The following PRPF6 variants were observed in gnomAD, a reference collection of about 807,000 sequenced individuals.
PRPF6 encodes pre-mRNA processing factor 6.
Under a neutral mutation model 118.3 loss-of-function variants are expected in PRPF6, and 42 were observed. The ratio of observed to expected loss-of-function variants is 0.35; its 90% CI spans 0.28 to 0.46. PRPF6 has a LOEUF of 0.46. Among genes scored for constraint, PRPF6 ranks in the 20% least tolerant of loss-of-function variants. PRPF6 has a pLI of 1.00. For synonymous variants in PRPF6, 481 were observed against 485.1 expected, an observed-to-expected ratio of 0.99 and a Z score of 0.11; for missense variants, 662 against 1,255.7, an observed-to-expected ratio of 0.53 and a Z score of 7.15.
At chr20:63,982,208 T>C (rs984003149) in intron 1 of PRPF6, among the ~76,000 whole-genome samples, 2 of 152,206 alleles carry the variant, frequency 1.3e-5, no homozygotes, top group African/African-American at 4.8e-5. Context: ...AGTCTTGTTC[T>C]GTCGCCCAAG....
Position 64,030,807 on chromosome 20 carries a change from A to G in PRPF6, c.2547-1111A>G, listed in dbSNP as rs546345605. 2.9e-4 allele frequency among the ~76,000 whole-genome samples: 44 copies of G among 152,364 alleles called. No homozygotes were observed. In the South Asian group the frequency reaches 9.1e-3, roughly 32 times the overall value. On this transcript the variant is annotated intron_variant, in intron 19 of 20. Transcript: ENST00000266079. Reference sequence around the variant, plus strand: ...AAGAATACCACAAGGCTTAAAAAACAATCAGGTTATCAGAGTGTGAAATTA... The same window carrying G: ...AAGAATACCACAAGGCTTAAAAAACGATCAGGTTATCAGAGTGTGAAATTA...
chr20:64,020,915 T>C (rs2059259774), intron 12 of PRPF6, among the ~76,000 whole-genome samples: 1 of 152,106 alleles, frequency 6.6e-6, no homozygotes, highest in Non-Finnish European at 1.5e-5. Context: ...GCCTCCCAAG[T>C]AGCTGGGATT....
At chr20:64,009,844 C>T (rs999835408) in intron 9 of PRPF6, among the ~76,000 whole-genome samples, 1 of 152,196 alleles carries the variant, frequency 6.6e-6, no homozygotes, top group Non-Finnish European at 1.5e-5. Flanking sequence ...TTAGTTTTGC[C>T]TCTTTTCAGA....
At chr20:64,005,128 G>A (rs547608810) in intron 9 of PRPF6, among the ~76,000 whole-genome samples, 13 of 152,264 alleles carry the variant, frequency 8.5e-5, no homozygotes, top group African/African-American at 3.1e-4. Context: ...CACACTCCTT[G>A]AAGGCCATTG....
intron 14 of PRPF6, among the ~76,000 whole-genome samples, chr20:64,025,524 A>AG (rs2059285510): frequency 6.6e-6 from 1 of 152,228 alleles, no homozygotes; most frequent in Non-Finnish European, 1.5e-5. Context: ...TGGGCTCATG[A>AG]GGACAGGACA....
At chr20:64,022,145 C>T (rs952494795) in intron 12 of PRPF6, among the ~76,000 whole-genome samples, 1 of 152,264 alleles carries the variant, frequency 6.6e-6, no homozygotes, top group Non-Finnish European at 1.5e-5. Flanking sequence ...CCATGTGCCC[C>T]TTTTTCAGTG....
chr20:63,984,389 C>G (rs1195860858), intron 2 of PRPF6, among the ~76,000 whole-genome samples: 2 of 151,728 alleles, frequency 1.3e-5, no homozygotes, highest in Non-Finnish European at 2.9e-5. Flanking sequence ...CCACTGCACT[C>G]CAGCCTTGGC....
intron 12 of PRPF6, among the ~76,000 whole-genome samples, chr20:64,019,206 A>G (rs1056265029): frequency 1.3e-5 from 2 of 150,100 alleles, no homozygotes; most frequent in Non-Finnish European, 2.9e-5. Flanking sequence ...TCAAGGGTTC[A>G]AGCAATTCTC....
intron 3 of PRPF6, among the ~76,000 whole-genome samples, chr20:63,992,716 A>C (rs1359510820): frequency 6.6e-6 from 1 of 151,932 alleles, no homozygotes; most frequent in Non-Finnish European, 1.5e-5. Flanking sequence ...TAATTGAATT[A>C]GTAGACTTAC....
intron 2 of PRPF6, among the ~76,000 whole-genome samples, chr20:63,984,482 T>C (rs2059084898): frequency 6.6e-6 from 1 of 152,084 alleles, no homozygotes; most frequent in Non-Finnish European, 1.5e-5. Context: ...GCAAAAATAG[T>C]GCCCCCCCAA....
intron 3 of PRPF6, among the ~76,000 whole-genome samples, chr20:63,986,441 C>T (rs2059093669): frequency 6.6e-6 from 1 of 150,546 alleles, no homozygotes. Flanking sequence ...GCAAATTAAT[C>T]AGTGTTATAC....
At position 64,032,872 on chromosome 20, in the gene PRPF6, AGAGT is replaced by A; in HGVS notation, c.2707_2710del (p.Ser903GlnfsTer40). The stretch of plus-strand genomic sequence containing the variant: ...CAGGAGGAGGTGAGGAAGCGCTGTG[AGAGT>A]GCAGAGCCTCGGCATGGGGAGCTGT... On this transcript the variant is annotated frameshift_variant, in exon 21 of 21. Coordinates refer to ENST00000266079, the MANE Select transcript of PRPF6 (RefSeq NM_012469.4). LOFTEE classifies it high-confidence loss of function. 1 of 1,612,576 alleles carries A rather than the reference AGAGT, an allele frequency of 6.2e-7. No homozygotes were observed. Among genetic ancestry groups the A allele is most frequent in the Non-Finnish European group, 8.5e-7 (1 of 1,179,772 alleles).
Position 64,028,468 on chromosome 20 carries a change from G to C in PRPF6, c.2340-10G>C, listed in dbSNP as rs747879645. The C allele has an allele frequency of 1.2e-6, 2 of 1,613,888 alleles. No individual in the cohort carries two copies. The highest frequency in any genetic ancestry group is 1.7e-6 in the Non-Finnish European group (2 of 1,179,996). On this transcript the variant is annotated splice_polypyrimidine_tract_variant and intron_variant, in intron 17 of 20. Transcript: ENST00000266079. The surrounding 1 kb of genome is among the most constrained non-coding windows in gnomAD (Gnocchi z 6.5). Reference sequence around the variant, plus strand: ...ACGGCTGTGGGACCTCCGGGGGCCTGTCTCCTCAGGTTGGAGTCCGTGCGG... The same window carrying C: ...ACGGCTGTGGGACCTCCGGGGGCCTCTCTCCTCAGGTTGGAGTCCGTGCGG...
At position 64,017,132 on chromosome 20, in the gene PRPF6, C is replaced by T. The variant is rs181335963; in HGVS notation, c.1647+287C>T. 6.0e-3 allele frequency among the ~76,000 whole-genome samples: 917 copies of T among 152,256 alleles called. 7 individuals carry two copies. Among genetic ancestry groups the T allele is most frequent in the Non-Finnish European group, 9.2e-3 (629 of 68,004 alleles). On this transcript the variant is annotated intron_variant, in intron 12 of 20. Transcript: ENST00000266079. ...TAATTTTTTGTATTTTTAGTAGAGA[C>T]GGGGTTTCACCGTGTTAGCCAGGAT...
chr20:64,005,710 G>C (rs894012749), intron 9 of PRPF6, among the ~76,000 whole-genome samples: 3 of 151,902 alleles, frequency 2.0e-5, no homozygotes, highest in African/African-American at 7.3e-5. Context: ...TGAGTAGCTG[G>C]GACCATAGGT....
Position 64,026,842 on chromosome 20 carries a change from C to A in PRPF6, c.2029-140C>A. ...AACAAAAACATATATTTATCCCCAC[C>A]TTTTGTGTACACAAACAGGCTATGA... On this transcript the variant is annotated intron_variant, in intron 15 of 20. Transcript: ENST00000266079. This position sits in a 1 kb window ranked among gnomAD's most constrained non-coding sequence, Gnocchi z 4.4. 1.1e-6 allele frequency: 1 copy of A among 875,656 alleles called. No homozygotes were observed. 54.2% of individuals were successfully genotyped at this position (875,656 alleles called of 1,614,324 possible).
chr20:64,010,991 G>A (rs1272749758), intron 10 of PRPF6, among the ~76,000 whole-genome samples: 1 of 152,204 alleles, frequency 6.6e-6, no homozygotes, highest in African/African-American at 2.4e-5. Flanking sequence ...CTGCTCGTCT[G>A]TGCCAGCCCC....
intron 19 of PRPF6, among the ~76,000 whole-genome samples, chr20:64,030,651 G>T (rs1370234670): frequency 6.6e-6 from 1 of 152,204 alleles, no homozygotes; most frequent in African/African-American, 2.4e-5. Flanking sequence ...TGATAGTGCA[G>T]CCATAAAACC....
intron 12 of PRPF6, among the ~76,000 whole-genome samples, chr20:64,021,945 G>A (rs954133472): frequency 2.0e-5 from 3 of 146,432 alleles, no homozygotes; most frequent in South Asian, 2.2e-4. Flanking sequence ...GTGTGTGTGC[G>A]TGTGTGTGTG....
Sources: gnomAD v4.1 joint callset for allele counts (sites outside exome capture counted in the v4.1 genomes callset) on GRCh38, gnomAD v4.1.1 for gene constraint, Gnocchi (gnomAD v3.1) non-coding constraint, MANE v1.5 for transcripts, NCBI Gene and HGNC (gene_info 2026-07-23, HGNC 2026-07-21) for gene names.